CSMD2: variants seen among roughly 807,000 people sequenced by gnomAD.
CSMD2 encodes CUB and Sushi multiple domains 2.
A neutral mutation model predicts 398.5 loss-of-function variants in CSMD2; 130 were observed. The observed-to-expected ratio is 0.33, with a 90% confidence interval of 0.28 to 0.38. CSMD2 has a LOEUF of 0.38. Among genes scored for constraint, CSMD2 ranks in the 10% least tolerant of loss-of-function variants. The probability of loss-of-function intolerance (pLI) is 1.00; values close to 1 mark genes in which losing one functional copy is unlikely to be tolerated. For missense variants in CSMD2, 3,829 were observed against 4,764.9 expected, an observed-to-expected ratio of 0.80 and a Z score of 5.78; for synonymous variants, 1,828 against 1,908.5, an observed-to-expected ratio of 0.96 and a Z score of 1.10.
chr1:33,971,001 T>C (rs901596426), intron 3 of CSMD2, among the ~76,000 whole-genome samples: 1 of 152,166 alleles, frequency 6.6e-6, no homozygotes, highest in Non-Finnish European at 1.5e-5. Context: ...GTAATGCATA[T>C]AAACAGCTTA....
At chr1:33,685,673 A>G (rs564982091) in intron 25 of CSMD2, among the ~76,000 whole-genome samples, 24 of 152,198 alleles carry the variant, frequency 1.6e-4, no homozygotes, top group South Asian at 4.2e-4. Context: ...ATTTTCCCCT[A>G]TGTTCATACC....
At chr1:33,556,153 A>G (rs999336334) in intron 55 of CSMD2, among the ~76,000 whole-genome samples, 7 of 152,216 alleles carry the variant, frequency 4.6e-5, no homozygotes, top group Non-Finnish European at 1.5e-5. Context: ...TAATATGGAT[A>G]GGGTCACTTT....
intron 3 of CSMD2, among the ~76,000 whole-genome samples, chr1:33,948,094 C>G (rs906487734): frequency 6.6e-6 from 1 of 152,174 alleles, no homozygotes; most frequent in Non-Finnish European, 1.5e-5. Flanking sequence ...ACAGGTCTCC[C>G]TAACTGGGCC....
intron 65 of CSMD2, 60 bp downstream of exon 65, chr1:33,527,136 G>T: frequency 6.9e-7 from 1 of 1,454,070 alleles, no homozygotes; most frequent in Non-Finnish European, 9.7e-7. Context: ...GAGTTTTCTG[G>T]CTAACTGTGT....
chr1:33,801,862 T>C (rs1655648271), intron 10 of CSMD2, among the ~76,000 whole-genome samples: 1 of 152,122 alleles, frequency 6.6e-6, no homozygotes, highest in Admixed American at 6.5e-5. Flanking sequence ...TGGCTGAAGC[T>C]GGGGCTGCCC....
chr1:33,751,284 G>A (rs1246570163), intron 13 of CSMD2, among the ~76,000 whole-genome samples: 1 of 152,074 alleles, frequency 6.6e-6, no homozygotes, highest in Non-Finnish European at 1.5e-5. Context: ...GCAGTCAAGA[G>A]GTAGGAGAAA....
intron 15 of CSMD2, among the ~76,000 whole-genome samples, chr1:33,727,174 G>C (rs1646562726): frequency 6.6e-6 from 1 of 152,160 alleles, no homozygotes; most frequent in Non-Finnish European, 1.5e-5. Flanking sequence ...TTACACAACT[G>C]GGTATCCCCA....
intron 1 of CSMD2, among the ~76,000 whole-genome samples, chr1:34,135,756 G>GA (rs553226149): frequency 4.0e-4 from 60 of 151,498 alleles, no homozygotes; most frequent in Admixed American, 3.7e-3. Flanking sequence ...ATTTCTAAGA[G>GA]AAAAAAGCAT....
intron 21 of CSMD2, among the ~76,000 whole-genome samples, chr1:33,712,553 C>T (rs1031072146): frequency 1.3e-5 from 2 of 152,114 alleles, no homozygotes; most frequent in African/African-American, 4.8e-5. Context: ...ACATGTGAAA[C>T]AGAAGACAAA....
chr1:33,948,354 T>C (rs148397432), intron 3 of CSMD2, among the ~76,000 whole-genome samples: 98 of 152,258 alleles, frequency 6.4e-4, no homozygotes, highest in Non-Finnish European at 1.2e-3. Context: ...GACCCAAAAA[T>C]GTCTTACACA....
chr1:34,041,484 T>G (rs59377894), intron 2 of CSMD2, among the ~76,000 whole-genome samples: 2,102 of 152,332 alleles, frequency 0.014, 50 homozygotes, highest in African/African-American at 0.048. Context: ...CCAAGTGAAG[T>G]GTCTGCAAAT....
chr1:33,709,122 C>T lies in CSMD2; in HGVS notation c.3543G>A (p.Arg1181=). The change falls in exon 22 of 71, where the codon AGG becomes AGA. Residue 1181 remains arginine (R), a synonymous_variant. Transcript: ENST00000373381. The part of the protein sequence containing the change: ...QPGKGIQLKA[R]AFELSEGDVL... The stretch of plus-strand genomic sequence containing the variant: ...CATCTCCTTCGGAGAGTTCGAATGC[C>T]CTGGCTTTCAGCTGAATTCCCTTCC... 1 of 1,613,964 alleles carries T rather than the reference C, an allele frequency of 6.2e-7. No individual in the cohort carries two copies. The highest frequency in any genetic ancestry group is 8.5e-7 in the Non-Finnish European group (1 of 1,179,964).
At position 33,788,632 on chromosome 1, in the gene CSMD2, C is replaced by T. The variant is rs1653843872; in HGVS notation, c.1631G>A (p.Gly544Asp). 6.2e-7 allele frequency: 1 copy of T among 1,613,322 alleles called. No homozygotes were observed. Among genetic ancestry groups the T allele is most frequent in the Non-Finnish European group, 8.5e-7 (1 of 1,179,282 alleles). Residue 544 changes from glycine (G) to aspartate (D), a missense_variant, in exon 12 of 71, where the codon GGC becomes GAC. Coordinates refer to ENST00000373381, the MANE Select transcript of CSMD2 (RefSeq NM_001281956.2). ...MWLLFQTDGS[G>D]SSLGFKASYE... ...AGAAGCCTTGAATCCCAGGGAACTG[C>T]CACTGCCATCAGTCTGGAAGAGGAG...
chr1:34,102,617 ACCATATCCCTGTAATCCGG>A (rs1410125005), intron 1 of CSMD2, among the ~76,000 whole-genome samples: 1 of 75,258 alleles, frequency 1.3e-5, no homozygotes, highest in Non-Finnish European at 2.9e-5. Flanking sequence ...CTGTGATCCA[ACCATATCCCTGTAATCCGG>A]CCATATCCCT....
intron 1 of CSMD2, among the ~76,000 whole-genome samples, chr1:34,097,445 CA>C (rs1659453435): frequency 9.4e-6 from 1 of 106,784 alleles, no homozygotes; most frequent in Non-Finnish European, 1.8e-5. Context: ...TTCTGCACAG[CA>C]AAAGAAACTA....
At chr1:33,888,426 G>A (rs1028936026) in intron 5 of CSMD2, among the ~76,000 whole-genome samples, 1 of 152,014 alleles carries the variant, frequency 6.6e-6, no homozygotes. Flanking sequence ...GATTAACAGA[G>A]AAATAAAATA....
chr1:33,803,794 T>C (rs944878267), intron 10 of CSMD2, among the ~76,000 whole-genome samples: 2 of 152,236 alleles, frequency 1.3e-5, no homozygotes, highest in East Asian at 1.9e-4. Context: ...AACTTCTCCA[T>C]TGCTGCTAGA....
rs372489729 is a variant in CSMD2 at position 33,709,295 on chromosome 1, C to T, written c.3407-37G>A. 2,746 of 1,567,682 alleles carry T rather than the reference C, an allele frequency of 1.8e-3. 5 individuals are homozygous for T. Among genetic ancestry groups the T allele is most frequent in the Non-Finnish European group, 2.2e-3 (2,505 of 1,153,434 alleles). On this transcript the variant is annotated intron_variant, in intron 21 of 70. Coordinates refer to ENST00000373381, the MANE Select transcript of CSMD2 (RefSeq NM_001281956.2). ...ATCACAATAACCATAGATTAACCCC[C>T]ATCAGCTGCATCCAGAAAGCAACTC...
At chr1:34,102,668 A>C (rs5006262) in intron 1 of CSMD2, among the ~76,000 whole-genome samples, 1 of 54,726 alleles carries the variant, frequency 1.8e-5, no homozygotes, top group Non-Finnish European at 3.7e-5. Flanking sequence ...ATATCCCTGT[A>C]ATCCGGCCAT....
Sources: allele counts gnomAD v4.1 joint callset (sites outside exome capture counted in the v4.1 genomes callset), GRCh38; gene constraint gnomAD v4.1.1; transcripts MANE v1.5; gene names NCBI Gene and HGNC (gene_info 2026-07-23, HGNC 2026-07-21).